The following AP1AR variants were observed in gnomAD, a reference collection of about 807,000 sequenced individuals.
The protein encoded by AP1AR is AP-1 complex-associated regulatory protein.
In AP1AR, 29 loss-of-function variants were observed where a neutral mutation model predicts 46.3. The ratio of observed to expected loss-of-function variants is 0.63; its 90% CI spans 0.47 to 0.85. The LOEUF is 0.85. Ranked by LOEUF, AP1AR falls within the 40% of genes least tolerant of loss-of-function variation. The probability of loss-of-function intolerance (pLI) is 0.00; values close to 1 mark genes in which losing one functional copy is unlikely to be tolerated. For missense variants in AP1AR, 357 were observed against 356.3 expected, an observed-to-expected ratio of 1.00 and a Z score of -0.02; for synonymous variants, 122 against 122.9, an observed-to-expected ratio of 0.99 and a Z score of 0.05.
chr4:112,259,412 T>C (rs1019929742), intron 4 of AP1AR, among the ~76,000 whole-genome samples: 2 of 152,216 alleles, frequency 1.3e-5, no homozygotes, highest in Non-Finnish European at 2.9e-5. Context: ...TCGTTTCACT[T>C]CCCTCATATG....
intron 1 of AP1AR, among the ~76,000 whole-genome samples, chr4:112,244,380 A>C (rs1363531136): frequency 1.3e-5 from 2 of 152,204 alleles, no homozygotes; most frequent in Non-Finnish European, 2.9e-5. Context: ...CTAATAATTA[A>C]AACCCTGTTG....
chr4:112,268,107 T>G, intron 9 of AP1AR, 37 bp from the exon 10 acceptor site: 1 of 1,490,116 alleles, frequency 6.7e-7, no homozygotes, highest in Non-Finnish European at 8.9e-7. Flanking sequence ...CTTTATTATC[T>G]GTTCTGAGAT....
intron 5 of AP1AR, among the ~76,000 whole-genome samples, chr4:112,261,541 A>G (rs986494634): frequency 6.6e-6 from 1 of 152,202 alleles, no homozygotes; most frequent in Non-Finnish European, 1.5e-5. Context: ...AGAACCAAGT[A>G]CTTATAATCA....
At chr4:112,264,293 G>A (rs1311964382) in intron 6 of AP1AR, among the ~76,000 whole-genome samples, 3 of 152,122 alleles carry the variant, frequency 2.0e-5, no homozygotes, top group Non-Finnish European at 4.4e-5. Flanking sequence ...CCATATGGGT[G>A]ATTTCCAGGA....
At chr4:112,242,725 T>C (rs1296613866) in intron 1 of AP1AR, among the ~76,000 whole-genome samples, 2 of 152,176 alleles carry the variant, frequency 1.3e-5, no homozygotes, top group Non-Finnish European at 2.9e-5. Flanking sequence ...AAACACTTCC[T>C]ATTAGGCCCC....
chr4:112,267,119 TTTTC>T (rs1726742144), intron 9 of AP1AR, among the ~76,000 whole-genome samples: 1 of 151,890 alleles, frequency 6.6e-6, no homozygotes, highest in Non-Finnish European at 1.5e-5. Flanking sequence ...GCTCATATTT[TTTTC>T]TTATCTATAG....
chr4:112,260,808 TTA>T lies in AP1AR; in HGVS notation c.230_231del (p.Tyr77Ter). 6.2e-7 allele frequency: 1 copy of T among 1,607,662 alleles called. No individual in the cohort carries two copies. Among genetic ancestry groups the T allele is most frequent in the Non-Finnish European group, 8.5e-7 (1 of 1,177,462 alleles). ...EEIVDLRERHYDSIAEKQKDL... is the reference protein window; with the variant it reads ...EEIVDLRERHXDSIAEKQKDL... ...AAATTGTTGACCTAAGAGAAAGGCA[TTA>T]TGATTCCATTGCCGAAAAACAAAAA... On this transcript the variant is annotated frameshift_variant, in exon 5 of 10. Transcript: ENST00000274000. LOFTEE classifies it high-confidence loss of function.
At chr4:112,236,463 C>T (rs1172724325) in intron 1 of AP1AR, among the ~76,000 whole-genome samples, 3 of 151,620 alleles carry the variant, frequency 2.0e-5, no homozygotes, top group South Asian at 2.1e-4. Flanking sequence ...TGCACTGGCA[C>T]AATCCTGGCT....
In AP1AR at chr4:112,262,862, T is replaced by C. The variant is rs1270235771; in HGVS notation, c.283-126T>C. 5.1e-5 allele frequency: 34 copies of C among 667,740 alleles called. No homozygotes were observed. The South Asian group carries it at 6.8e-4, about 13-fold the overall frequency. The allele number at this position is 667,740 out of a possible 1,614,324, so 41.4% of individuals were successfully genotyped here. ...AATTGCAAACATTTCAATTCTGTTA[T>C]GCTTTGTAGAGATCAATTATTTTTT... On this transcript the variant is annotated intron_variant, in intron 5 of 9. Coordinates refer to ENST00000274000, the MANE Select transcript of AP1AR (RefSeq NM_018569.6).
At chr4:112,236,428 T>A (rs1453907147) in intron 1 of AP1AR, among the ~76,000 whole-genome samples, 2 of 144,694 alleles carry the variant, frequency 1.4e-5, no homozygotes, top group Non-Finnish European at 3.0e-5. Flanking sequence ...CAAAAAGGAG[T>A]CTCGCTCTCT....
chr4:112,272,786 A>G lies in AP1AR; in HGVS notation c.*4377A>G, dbSNP rs374542050. ...AGGACTATGGAGCGTGCCCATACTCACCACTGGTAACACTAGAACTTTTGA... is the reference window on the plus strand; with the variant it reads ...AGGACTATGGAGCGTGCCCATACTCGCCACTGGTAACACTAGAACTTTTGA... On this transcript the variant is annotated 3_prime_UTR_variant, in exon 10 of 10. Transcript: ENST00000274000. Among the ~76,000 whole-genome samples, 108 of 152,274 alleles carry G rather than the reference A, an allele frequency of 7.1e-4. No homozygotes were observed. The highest frequency in any genetic ancestry group is 2.5e-3 in the African/African-American group (103 of 41,548).
intron 1 of AP1AR, among the ~76,000 whole-genome samples, chr4:112,243,336 C>T (rs1030705869): frequency 4.6e-5 from 7 of 152,162 alleles, no homozygotes; most frequent in Non-Finnish European, 8.8e-5. Context: ...ATATTACATC[C>T]CCATTGGGAT....
rs1423708989 is a variant in AP1AR, at chr4:112,269,225, T to G, written c.*816T>G. ...AATTCTATATTTCCAATGAACGATG[T>G]TAGATTTTACACAGAACATATTCTC... On this transcript the variant is annotated 3_prime_UTR_variant, in exon 10 of 10. Transcript: ENST00000274000. 1.3e-5 allele frequency: 2 copies of G among 152,180 alleles called. No individual in the cohort carries two copies. The highest frequency in any genetic ancestry group is 2.9e-5 in the Non-Finnish European group (2 of 67,810). 9.4% of individuals were successfully genotyped at this position (152,180 alleles called of 1,614,324 possible).
chr4:112,263,176 C>A, intron 6 of AP1AR, 90 bp downstream of exon 6: 1 of 964,256 alleles, frequency 1.0e-6, no homozygotes, highest in Non-Finnish European at 1.6e-6. Context: ...TTTTCCTATT[C>A]TCAAGGACTT....
intron 1 of AP1AR, among the ~76,000 whole-genome samples, chr4:112,249,170 T>A (rs1370739921): frequency 6.6e-6 from 1 of 152,032 alleles, no homozygotes; most frequent in African/African-American, 2.4e-5. Flanking sequence ...GGTGCATGCC[T>A]GTAATCCCAG....
rs764489703 is a variant in AP1AR at position 112,254,725 on chromosome 4, GCTTA to G, written c.133-18_133-15del. ...ACCTAAGACAAATATTCCTCTTAAC[GCTTA>G]CTTTTTTGTCCTTTCAGTTTGAGAA... On this transcript the variant is annotated intron_variant, in intron 2 of 9. Coordinates refer to ENST00000274000, the MANE Select transcript of AP1AR (RefSeq NM_018569.6). The G allele has an allele frequency of 4.4e-5, 65 of 1,486,560 alleles. No homozygotes were observed. In the Middle Eastern group the frequency reaches 5.2e-4, roughly 12 times the overall value. 92.1% of individuals were successfully genotyped at this position (1,486,560 alleles called of 1,614,324 possible).
At chr4:112,256,295 AACTT>A (rs1726196164) in intron 3 of AP1AR, among the ~76,000 whole-genome samples, 3 of 152,188 alleles carry the variant, frequency 2.0e-5, no homozygotes, top group South Asian at 2.1e-4. Flanking sequence ...CATTTCATAG[AACTT>A]ACTTCTTTCC....
chr4:112,260,805 G>A lies in AP1AR; in HGVS notation c.225G>A (p.Arg75=). 1 of 1,606,726 alleles carries A rather than the reference G, an allele frequency of 6.2e-7. No homozygotes were observed. The highest frequency in any genetic ancestry group is 8.5e-7 in the Non-Finnish European group (1 of 1,177,072). The stretch of plus-strand genomic sequence containing the variant: ...AAGAAATTGTTGACCTAAGAGAAAG[G>A]CATTATGATTCCATTGCCGAAAAAC... ...TEEEIVDLRE[R]HYDSIAEKQK... Residue 75 remains arginine (R), a synonymous_variant, in exon 5 of 10, where the codon AGG becomes AGA. Coordinates refer to ENST00000274000, the MANE Select transcript of AP1AR (RefSeq NM_018569.6).
chr4:112,266,948 T>C (rs749800833), intron 9 of AP1AR: 1 of 349,990 alleles, frequency 2.9e-6, no homozygotes, highest in Non-Finnish European at 5.1e-6. Flanking sequence ...TCGATTTCTT[T>C]AAGGTTTTTG....
Sources: allele counts gnomAD v4.1 joint callset (sites outside exome capture counted in the v4.1 genomes callset), GRCh38; gene constraint gnomAD v4.1.1; transcripts MANE v1.5; gene names NCBI Gene and HGNC (gene_info 2026-07-23, HGNC 2026-07-21).